Variants in APBA3 observed in about 807,000 individuals in gnomAD.
The protein encoded by APBA3 is amyloid beta precursor protein binding family A member 3.
A neutral mutation model predicts 55.9 loss-of-function variants in APBA3; 45 were observed. The observed-to-expected ratio is 0.80, with a 90% CI of 0.63 to 1.03. The LOEUF (loss-of-function observed/expected upper bound fraction) is 1.03. APBA3 is among the 50% of genes least tolerant of loss of function. APBA3 has a pLI of 0.00. For synonymous variants in APBA3, 370 were observed against 353.3 expected (o/e 1.05, Z -0.53); for missense variants, 865 against 820.3 (o/e 1.05, Z -0.67).
chr19:3,752,503 C>T lies in APBA3; in HGVS notation c.1395+5G>A, dbSNP rs765728124. Reference sequence around the variant, plus strand: ...GTGGGGGCCCTGCCACACCAGGAAACTCACGCGGACAGCGGCCTGGCACGC... The same window carrying T: ...GTGGGGGCCCTGCCACACCAGGAAATTCACGCGGACAGCGGCCTGGCACGC... On this transcript the variant is annotated splice_donor_5th_base_variant and intron_variant, in intron 8 of 10. Coordinates refer to ENST00000316757, the MANE Select transcript of APBA3 (RefSeq NM_004886.4). The T allele has an allele frequency of 6.4e-7, 1 of 1,565,476 alleles. No individual in the cohort carries two copies. Among genetic ancestry groups the T allele is most frequent in the African/African-American group, 1.3e-5 (1 of 74,474 alleles).
In APBA3 at chr19:3,753,845, G is replaced by T; in HGVS notation, c.931C>A (p.Arg311=). Residue 311 remains arginine (R), a synonymous_variant, in exon 6 of 11, where the codon CGG becomes AGG. Coordinates refer to ENST00000316757, the MANE Select transcript of APBA3 (RefSeq NM_004886.4). The part of the protein sequence containing the change: ...GCVLVLMARR[R]LARRPAPQDH... ...TGGGGTGCCGGCCTCCGTGCCAGCC[G>T]CCGCCGCGCCATCAGCACCAGCACG... 6.4e-7 allele frequency: 1 copy of T among 1,567,998 alleles called. No individual in the cohort carries two copies. The highest frequency in any genetic ancestry group is 8.6e-7 in the Non-Finnish European group (1 of 1,158,004).
rs1277504833 is a variant in APBA3 at position 3,760,282 on chromosome 19, AG to A, written c.-19del. 2 of 1,573,440 alleles carry A rather than the reference AG, an allele frequency of 1.3e-6. No homozygotes were observed. Among genetic ancestry groups the A allele is most frequent in the African/African-American group, 2.7e-5 (2 of 73,342 alleles). On this transcript the variant is annotated 5_prime_UTR_variant, in exon 2 of 11. The change creates a premature stop within an existing upstream ORF in the 5' untranslated region. Coordinates refer to ENST00000316757, the MANE Select transcript of APBA3 (RefSeq NM_004886.4). The stretch of plus-strand genomic sequence containing the variant: ...AAGTCCATGCCTGGACTCCAGGCTT[AG>A]GCCGGCATCTTCAGGCAGCTGAAAG...
chr19:3,759,522 G>A, intron 3 of APBA3, 39 bp downstream of exon 3: 1 of 1,566,602 alleles, frequency 6.4e-7, no homozygotes, highest in Non-Finnish European at 8.7e-7. Flanking sequence ...CTGTCTAGGG[G>A]CCTTCAGTGC....
Position 3,759,900 on chromosome 19 carries a change from G to A in APBA3, c.365C>T (p.Pro122Leu), listed in dbSNP as rs201048764. Residue 122 changes from proline to leucine, a missense_variant, in exon 2 of 11, where the codon CCG becomes CTG. Pro to Leu is a moderately conservative substitution (Grantham distance 98, BLOSUM62 -3). Transcript: ENST00000316757. ...CTCTTCAGGACCAGTCTGGGAAGGC[G>A]GGCATTCCTCGCAGTGCAAGAGGCC... Reference protein sequence around the residue: ...LLGLLHCEECPPSQTGPEEPL... With the variant: ...LLGLLHCEECLPSQTGPEEPL... 27 of 1,611,760 alleles carry A rather than the reference G, an allele frequency of 1.7e-5. No homozygotes were observed. The highest frequency in any genetic ancestry group is 5.0e-5 in the Admixed American group (3 of 59,546).
Position 3,760,087 on chromosome 19 carries a change from G to C in APBA3, c.178C>G (p.Leu60Val). 6.2e-7 allele frequency: 1 copy of C among 1,613,410 alleles called. No homozygotes were observed. Among genetic ancestry groups the C allele is most frequent in the Non-Finnish European group, 8.5e-7 (1 of 1,180,038 alleles). The change falls in exon 2 of 11, where the codon CTG becomes GTG. Residue 60 changes from leucine to valine, a missense_variant. Transcript: ENST00000316757. Reference protein sequence around the residue: ...MELDESSLQELVQQFEALPGD... With the variant: ...MELDESSLQEVVQQFEALPGD... ...GGCAGAGCTTCAAACTGCTGCACCA[G>C]CTCCTGAAGGCTTGACTCATCAAGT... is the stretch of plus-strand genomic sequence containing the variant.
At position 3,755,347 on chromosome 19, in the gene APBA3, TC is replaced by T. The variant is rs2037063380; in HGVS notation, c.617-1008del. On this transcript the variant is annotated intron_variant, in intron 3 of 10. Transcript: ENST00000316757. ...AATCACAATCGCGTCAGGCAGCTCT[TC>T]CTGTGGTTCTAGAATCTCCTTCAGT... The T allele has an allele frequency of 2.0e-5, 3 of 152,296 alleles. No homozygotes were observed. In the East Asian group the frequency reaches 5.8e-4, roughly 29 times the overall value. 9.4% of individuals were successfully genotyped at this position (152,296 alleles called of 1,614,324 possible).
chr19:3,760,368 A>C, intron 1 of APBA3, 67 bp from the exon 2 acceptor site: 1 of 1,092,430 alleles, frequency 9.2e-7, no homozygotes. Flanking sequence ...TAATCCCAGA[A>C]TTTTGGGAGG....
rs141575653 is a variant in APBA3, at chr19:3,751,527, T to A, written c.1422A>T (p.Thr474=). The A allele has an allele frequency of 1.4e-4, 223 of 1,590,456 alleles. 3 individuals are homozygous for A. In the South Asian group the frequency reaches 2.4e-3, roughly 17 times the overall value. Residue 474 remains threonine, a synonymous_variant, in exon 9 of 11, where the codon ACA becomes ACT. Transcript: ENST00000316757. ...VRETKSQTSV[T]LSIVHCPPVT... ...CGGGAGGGCAGTGGACGATGCTGAG[T>A]GTCACCGACGTCTGCGACTTCGTCT...
chr19:3,759,485 T>C (rs2145725782), intron 3 of APBA3, 76 bp downstream of exon 3: 1 of 1,422,098 alleles, frequency 7.0e-7, no homozygotes, highest in Non-Finnish European at 9.7e-7. Context: ...TGGCAAGCTG[T>C]TGCCAGGCTG....
chr19:3,758,989 A>G (rs982086022), intron 3 of APBA3, among the ~76,000 whole-genome samples: 2 of 152,222 alleles, frequency 1.3e-5, no homozygotes, highest in Non-Finnish European at 2.9e-5. Flanking sequence ...TGGGAGGCTG[A>G]GGCAGGCAGA....
intron 3 of APBA3, chr19:3,754,625 C>T: frequency 2.5e-6 from 1 of 397,664 alleles, no homozygotes; most frequent in Non-Finnish European, 4.5e-6. Flanking sequence ...ATACCTTCAC[C>T]CCGTGTCCCC....
chr19:3,753,155 C>A, intron 6 of APBA3, 165 bp from the exon 7 acceptor site: 1 of 737,688 alleles, frequency 1.4e-6, no homozygotes, highest in Non-Finnish European at 2.2e-6. Flanking sequence ...GAGACAGCCG[C>A]ATCTTGGGGA....
Position 3,752,492 on chromosome 19 carries a change from ACACCAGGAAACT to A in APBA3, c.1395+4_1395+15del, listed in dbSNP as rs781214871. 52 of 1,553,222 alleles carry A rather than the reference ACACCAGGAAACT, an allele frequency of 3.3e-5. No individual in the cohort carries two copies. The highest frequency in any genetic ancestry group is 4.0e-5 in the Non-Finnish European group (46 of 1,153,820). On this transcript the variant is annotated splice_donor_5th_base_variant and intron_variant, in intron 8 of 10. Transcript: ENST00000316757. ...TTCCTGGGAGTGTGGGGGCCCTGCC[ACACCAGGAAACT>A]CACGCGGACAGCGGCCTGGCACGCA...
chr19:3,753,950 G>T (rs1235047118), intron 5 of APBA3, 24 bp from the exon 6 acceptor site: 1 of 1,559,486 alleles, frequency 6.4e-7, no homozygotes, highest in Non-Finnish European at 8.7e-7. Flanking sequence ...GGCAGCCTGG[G>T]TGGGTTGGGG....
chr19:3,751,223 C>A lies in APBA3; in HGVS notation c.1622G>T (p.Arg541Leu), dbSNP rs77544173. ...GQSVVATPHA[R>L]IIELLTEAYG... ...GGCCTCGGTGAGCAGCTCGATGATG[C>A]GGGCGTGTGGCGTGGCCACCACACT... Residue 541 changes from arginine (R) to leucine (L), a missense_variant, in exon 10 of 11, where the codon CGC (arginine) becomes CTC (leucine). Arg to Leu is a moderately radical substitution (Grantham distance 102). Coordinates refer to ENST00000316757, the MANE Select transcript of APBA3 (RefSeq NM_004886.4). The A allele has an allele frequency of 1.9e-6, 3 of 1,550,326 alleles. No homozygotes were observed. Among genetic ancestry groups the A allele is most frequent in the Non-Finnish European group, 2.6e-6 (3 of 1,148,842 alleles).
chr19:3,752,484 G>C (rs1215421242), intron 8 of APBA3, 24 bp downstream of exon 8: 2 of 1,538,078 alleles, frequency 1.3e-6, no homozygotes, highest in Non-Finnish European at 1.7e-6. Context: ...GAGTGTGGGG[G>C]CCCTGCCACA....
rs35932323 is a variant in APBA3 at position 3,759,804 on chromosome 19, C to A, written c.461G>T (p.Trp154Leu). The change falls in exon 2 of 11, where the codon TGG becomes TTG. Residue 154 changes from tryptophan to leucine, a missense_variant. Coordinates refer to ENST00000316757, the MANE Select transcript of APBA3 (RefSeq NM_004886.4). Reference protein sequence around the residue: ...DPDEDSDSPEWVEGASAEQEG... With the variant: ...DPDEDSDSPELVEGASAEQEG... ...CTGCTCAGCAGAGGCCCCCTCCACC[C>A]ATTCTGGGGAGTCAGAATCCTCATC... is the stretch of plus-strand genomic sequence containing the variant. 7,826 of 1,612,694 alleles carry A rather than the reference C, an allele frequency of 4.9e-3. 261 individuals carry two copies. In the African/African-American group the frequency reaches 0.087, roughly 18 times the overall value.
intron 6 of APBA3, chr19:3,753,560 C>T (rs1568393002): frequency 7.5e-6 from 4 of 531,134 alleles, no homozygotes; most frequent in Non-Finnish European, 1.3e-5. Flanking sequence ...GTGGGAGGAT[C>T]GCTTGAGCCT....
rs766395163 is a variant in APBA3 at position 3,752,667 on chromosome 19, C to G, written c.1236G>C (p.Ser412=). The G allele has an allele frequency of 1.3e-6, 2 of 1,591,830 alleles. No homozygotes were observed. The highest frequency in any genetic ancestry group is 1.3e-5 in the African/African-American group (1 of 74,718). Residue 412 remains serine (S), a synonymous_variant, in exon 8 of 11, where the codon TCG becomes TCC. Transcript: ENST00000316757. ...CTGTGGGCAGCAGGGAGCCCCAGCC[C>G]GACTCCACCAGGGCCACGCCCAGGC... The part of the protein sequence containing the change: ...GEGLGVALVE[S]GWGSLLPTAV...
Sources: gnomAD v4.1 joint callset for allele counts (sites outside exome capture counted in the v4.1 genomes callset) on GRCh38, gnomAD v4.1.1 for gene constraint, MANE v1.5 for transcripts, NCBI Gene and HGNC (gene_info 2026-07-23, HGNC 2026-07-21) for gene names.